Variants in PCED1B observed in about 807,000 individuals in gnomAD.
PCED1B encodes the protein PC-esterase domain-containing protein 1B.
For missense variants in PCED1B, 573 were observed against 573.9 expected (o/e 1.00, Z 0.02); for synonymous variants, 251 against 246.1 (o/e 1.02, Z -0.19).
chr12:47,184,052 T>C (rs1303286275), intron 2 of PCED1B, among the ~76,000 whole-genome samples: 1 of 152,240 alleles, frequency 6.6e-6, no homozygotes, highest in Admixed American at 6.5e-5. Context: ...TTTCTTTTTC[T>C]TTTTTGTAGA....
At chr12:47,225,117 A>G (rs931741760) in intron 3 of PCED1B, among the ~76,000 whole-genome samples, 6 of 152,188 alleles carry the variant, frequency 3.9e-5, no homozygotes, top group African/African-American at 1.4e-4. Flanking sequence ...TTTTTGGTAC[A>G]GACGGGGTTT....
chr12:47,220,088 A>AAAGAAGAAGAAG lies in PCED1B; in HGVS notation c.-58+3407_-58+3418dup, dbSNP rs1555155818. On this transcript the variant is annotated intron_variant, in intron 3 of 3. Coordinates refer to ENST00000546455, the MANE Select transcript of PCED1B (RefSeq NM_138371.3). ...TGCCTCAAAAAAAAAAAAAAAAAAA[A>AAAGAAGAAGAAG]AAGAAGAAGAAGAAGAAGATACATT... Among the ~76,000 whole-genome samples the AAAGAAGAAGAAG allele has an allele frequency of 1.6e-3, 214 of 133,126 alleles. 6 individuals are homozygous for AAAGAAGAAGAAG. Among genetic ancestry groups the AAAGAAGAAGAAG allele is most frequent in the South Asian group, 2.6e-3 (11 of 4,196 alleles). The allele number at this position is 133,126 out of a possible 152,430, so 87.3% of individuals were successfully genotyped here. A position where few individuals can be genotyped will look rare whatever the true frequency, so the allele number is the denominator to read the frequency against.
At chr12:47,134,722 G>T (rs1291731717) in intron 2 of PCED1B, among the ~76,000 whole-genome samples, 1 of 152,128 alleles carries the variant, frequency 6.6e-6, no homozygotes, top group African/African-American at 2.4e-5. Flanking sequence ...ACAAAAATTA[G>T]CTGGGCGTGG....
intron 2 of PCED1B, among the ~76,000 whole-genome samples, chr12:47,193,594 A>C (rs1942513318): frequency 6.6e-6 from 1 of 152,190 alleles, no homozygotes; most frequent in African/African-American, 2.4e-5. Flanking sequence ...ACTACAAGCA[A>C]GTCTTACAAT....
rs189160831 is a variant in PCED1B, at chr12:47,196,696, C to T, written c.-525-19526C>T. ...TGCAAAAATTATCTGGGCGTGGTGG[C>T]GGGCGCCTGTAATCCCAGCTACTCA... On this transcript the variant is annotated intron_variant, in intron 2 of 3. Transcript: ENST00000546455. 6.7e-4 allele frequency among the ~76,000 whole-genome samples: 102 copies of T among 152,186 alleles called. 4 individuals carry two copies. Among genetic ancestry groups the T allele is most frequent in the East Asian group, 5.8e-3 (30 of 5,170 alleles).
At chr12:47,125,140 C>A (rs1026216369) in intron 2 of PCED1B, among the ~76,000 whole-genome samples, 17 of 152,000 alleles carry the variant, frequency 1.1e-4, no homozygotes, top group Admixed American at 6.6e-4. Flanking sequence ...AATTTTTTAG[C>A]CCTTTGTTTT....
At chr12:47,086,360 TAAAAAAAAAAAAAAA>T (rs3045485) in intron 1 of PCED1B, among the ~76,000 whole-genome samples, 1 of 95,552 alleles carries the variant, frequency 1.0e-5, no homozygotes, top group African/African-American at 4.6e-5. Context: ...GTGCTTATGG[TAAAAAAAAAAAAAAA>T]AAAAAAAAGG....
intron 2 of PCED1B, among the ~76,000 whole-genome samples, chr12:47,111,206 A>G (rs962259249): frequency 2.6e-5 from 4 of 152,152 alleles, no homozygotes; most frequent in Admixed American, 2.6e-4. Context: ...GGACATAAAG[A>G]TCAGAACAAC....
chr12:47,100,140 AAC>A (rs541327408), intron 1 of PCED1B, among the ~76,000 whole-genome samples: 6 of 152,248 alleles, frequency 3.9e-5, no homozygotes, highest in South Asian at 2.1e-4. Flanking sequence ...TTCAGAAAGG[AAC>A]ACAGTTTCTG....
intron 3 of PCED1B, among the ~76,000 whole-genome samples, chr12:47,218,989 C>T (rs1943390600): frequency 6.6e-6 from 1 of 151,908 alleles, no homozygotes; most frequent in Admixed American, 6.6e-5. Context: ...AAAAATAGAA[C>T]AATTATCTGG....
At chr12:47,084,111 T>G (rs930684045) in intron 1 of PCED1B, among the ~76,000 whole-genome samples, 3 of 152,222 alleles carry the variant, frequency 2.0e-5, no homozygotes, top group African/African-American at 7.2e-5. Context: ...ATAAATAAGT[T>G]AAAAGTGCAT....
intron 1 of PCED1B, among the ~76,000 whole-genome samples, chr12:47,091,211 A>G (rs1938251380): frequency 6.6e-6 from 1 of 151,964 alleles, no homozygotes; most frequent in Non-Finnish European, 1.5e-5. Flanking sequence ...ATTATTTTCC[A>G]TCTTTTTCAT....
At chr12:47,162,196 G>A (rs910180766) in intron 2 of PCED1B, among the ~76,000 whole-genome samples, 16 of 152,040 alleles carry the variant, frequency 1.1e-4, no homozygotes, top group Admixed American at 4.6e-4. Context: ...CACCAACATC[G>A]CAGATGTATA....
chr12:47,125,240 T>A (rs548219800), intron 2 of PCED1B, among the ~76,000 whole-genome samples: 1 of 152,142 alleles, frequency 6.6e-6, no homozygotes, highest in East Asian at 1.9e-4. Flanking sequence ...TGATTGCAAA[T>A]TGTTCCATTA....
At chr12:47,174,639 C>T (rs924789854) in intron 2 of PCED1B, among the ~76,000 whole-genome samples, 1 of 152,082 alleles carries the variant, frequency 6.6e-6, no homozygotes, top group South Asian at 2.1e-4. Flanking sequence ...CTTTTTTATT[C>T]CCATGCCTAA....
chr12:47,106,420 C>T (rs1159704271), intron 2 of PCED1B, among the ~76,000 whole-genome samples: 4 of 152,028 alleles, frequency 2.6e-5, no homozygotes, highest in African/African-American at 7.3e-5. Flanking sequence ...GTGCGAGTTG[C>T]GTAATGGGAA....
At chr12:47,206,566 C>G (rs2137738090) in intron 2 of PCED1B, 1 of 152,374 alleles carries the variant, frequency 6.6e-6, no homozygotes, top group South Asian at 2.1e-4. Flanking sequence ...CACCTCCTGC[C>G]TCCTTGGTAA....
chr12:47,123,527 C>T (rs911352101), intron 2 of PCED1B, among the ~76,000 whole-genome samples: 4 of 151,892 alleles, frequency 2.6e-5, no homozygotes, highest in African/African-American at 9.7e-5. Flanking sequence ...ATAGAATCAA[C>T]AAAACAATGT....
At chr12:47,095,249 G>A (rs1210746955) in intron 1 of PCED1B, among the ~76,000 whole-genome samples, 1 of 151,988 alleles carries the variant, frequency 6.6e-6, no homozygotes, top group Non-Finnish European at 1.5e-5. Flanking sequence ...TTTTCTTTAA[G>A]CTCTTAAAGT....
Sources: gnomAD v4.1 joint callset for allele counts (sites outside exome capture counted in the v4.1 genomes callset) on GRCh38, gnomAD v4.1.1 for gene constraint, MANE v1.5 for transcripts, NCBI Gene and HGNC (gene_info 2026-07-23, HGNC 2026-07-21) for gene names.